Variants in FTO observed in about 807,000 individuals in gnomAD.
The protein encoded by FTO is alpha-ketoglutarate-dependent dioxygenase FTO.
In FTO, 47 loss-of-function variants were observed where a neutral mutation model predicts 63.9. That is an observed-to-expected ratio of 0.74 (90% CI 0.58 to 0.94). The LOEUF (loss-of-function observed/expected upper bound fraction) is 0.94. FTO is among the 40% of genes least tolerant of loss of function. FTO has a pLI of 0.00. For synonymous variants in FTO, 207 were observed against 224.4 expected (o/e 0.92, Z 0.69); for missense variants, 562 against 618.1 (o/e 0.91, Z 0.96).
chr16:53,842,839 C>A (rs12595985), intron 3 of FTO, among the ~76,000 whole-genome samples: 7,559 of 152,040 alleles, frequency 0.05, 591 homozygotes, highest in East Asian at 0.37. Context: ...ATGCCCCACT[C>A]ATTTCTTTTA....
intron 1 of FTO, among the ~76,000 whole-genome samples, chr16:53,796,312 G>A (rs892045228): frequency 2.6e-5 from 4 of 152,124 alleles, no homozygotes; most frequent in Admixed American, 2.6e-4. Context: ...CCAAAGTGCC[G>A]GGACTGTAGG....
At chr16:53,843,445 G>A (rs1177707614) in intron 3 of FTO, among the ~76,000 whole-genome samples, 1 of 152,134 alleles carries the variant, frequency 6.6e-6, no homozygotes, top group African/African-American at 2.4e-5. Context: ...TTTCTTTTAT[G>A]TGAATAAATT....
chr16:54,031,852 AT>A (rs1230554960), intron 8 of FTO, among the ~76,000 whole-genome samples: 4 of 152,130 alleles, frequency 2.6e-5, no homozygotes, highest in African/African-American at 9.7e-5. Context: ...GCTTTTACTA[AT>A]TTTTTTAAGG....
At chr16:53,995,771 T>C (rs1395754843) in intron 8 of FTO, among the ~76,000 whole-genome samples, 1 of 152,142 alleles carries the variant, frequency 6.6e-6, no homozygotes, top group Non-Finnish European at 1.5e-5. Context: ...GGAAGATGGG[T>C]CCCTCTGCCA....
intron 7 of FTO, among the ~76,000 whole-genome samples, chr16:53,894,676 T>G (rs949017143): frequency 6.6e-6 from 1 of 152,036 alleles, no homozygotes; most frequent in Non-Finnish European, 1.5e-5. Context: ...TTCTTTTCAG[T>G]GTTAATGTGC....
In FTO at chr16:54,068,359, G is replaced by A. The variant is rs186261655; in HGVS notation, c.1365-43403G>A. Among the ~76,000 whole-genome samples, 795 of 151,908 alleles carry A rather than the reference G, an allele frequency of 5.2e-3. 6 individuals carry two copies. Among genetic ancestry groups the A allele is most frequent in the Admixed American group, 8.7e-3 (132 of 15,228 alleles). On this transcript the variant is annotated intron_variant, in intron 8 of 8. Transcript: ENST00000471389. ...TTTTTTCCTTGAGAGCCCTGAGCTCGCCCAGCCTCTGTCAACCTGAAAGCC... is the reference window on the plus strand; with the variant it reads ...TTTTTTCCTTGAGAGCCCTGAGCTCACCCAGCCTCTGTCAACCTGAAAGCC...
chr16:53,739,298 T>C (rs906740981), intron 1 of FTO, among the ~76,000 whole-genome samples: 2 of 151,952 alleles, frequency 1.3e-5, no homozygotes, highest in Non-Finnish European at 2.9e-5. Flanking sequence ...CTCTGCCTCC[T>C]GGGTTCACAC....
intron 7 of FTO, among the ~76,000 whole-genome samples, chr16:53,918,769 T>A (rs1344426461): frequency 1.3e-5 from 2 of 152,238 alleles, no homozygotes; most frequent in African/African-American, 4.8e-5. Context: ...GAGACTCAAA[T>A]GTCATTGATT....
chr16:53,844,465 TGCTGATTTTTTGAGATGGA>T (rs2079564387), intron 4 of FTO, among the ~76,000 whole-genome samples, 167 bp downstream of exon 4: 1 of 152,176 alleles, frequency 6.6e-6, no homozygotes, highest in South Asian at 2.1e-4. Flanking sequence ...TTTGAGATAT[TGCTGATTTTTTGAGATGGA>T]GCTTCACTCT....
At chr16:53,766,467 C>T (rs926624662) in intron 1 of FTO, among the ~76,000 whole-genome samples, 1 of 152,134 alleles carries the variant, frequency 6.6e-6, no homozygotes, top group Admixed American at 6.5e-5. Context: ...AAGTGATTTA[C>T]CCATTTCAGT....
chr16:54,035,569 G>A (rs1215271985), intron 8 of FTO, among the ~76,000 whole-genome samples: 3 of 152,114 alleles, frequency 2.0e-5, no homozygotes, highest in Non-Finnish European at 2.9e-5. Context: ...TGACATTGTC[G>A]GTTTTAAGGG....
At chr16:54,012,661 C>T (rs1023735899) in intron 8 of FTO, among the ~76,000 whole-genome samples, 5 of 152,040 alleles carry the variant, frequency 3.3e-5, no homozygotes, top group Admixed American at 2.6e-4. Flanking sequence ...AACTTTAAGT[C>T]GAAGCTATTG....
intron 8 of FTO, among the ~76,000 whole-genome samples, chr16:54,063,000 G>A (rs997633789): frequency 6.6e-6 from 1 of 152,198 alleles, no homozygotes; most frequent in Non-Finnish European, 1.5e-5. Flanking sequence ...AGGGGTGTGC[G>A]GGGAGGTTAA....
intron 8 of FTO, among the ~76,000 whole-genome samples, chr16:53,959,861 G>C (rs1037500263): frequency 1.3e-5 from 2 of 152,078 alleles, no homozygotes; most frequent in Non-Finnish European, 2.9e-5. Flanking sequence ...CCCAAAAAAG[G>C]CTTCCCAAAT....
intron 7 of FTO, among the ~76,000 whole-genome samples, chr16:53,930,686 A>T (rs1567447973): frequency 6.6e-6 from 1 of 152,230 alleles, no homozygotes; most frequent in East Asian, 1.9e-4. Flanking sequence ...ACTGTATTAC[A>T]TAGTTCATAT....
intron 8 of FTO, chr16:54,052,799 A>G (rs2085343075): frequency 6.6e-6 from 1 of 152,164 alleles, no homozygotes; most frequent in Admixed American, 6.6e-5. Context: ...TCCTGGGTTC[A>G]AGAGATTCTC....
chr16:54,059,125 A>G (rs781720817), intron 8 of FTO, among the ~76,000 whole-genome samples: 1 of 152,232 alleles, frequency 6.6e-6, no homozygotes, highest in Non-Finnish European at 1.5e-5. Context: ...GCTCAATTCA[A>G]GTGTAAAATT....
intron 8 of FTO, among the ~76,000 whole-genome samples, chr16:54,108,671 G>C (rs547444790): frequency 6.6e-6 from 1 of 152,292 alleles, no homozygotes; most frequent in East Asian, 1.9e-4. Context: ...GGTATTGGGC[G>C]CTTGCTATGT....
At chr16:53,890,798 T>A (rs1177308219) in intron 7 of FTO, among the ~76,000 whole-genome samples, 1 of 152,184 alleles carries the variant, frequency 6.6e-6, no homozygotes, top group East Asian at 1.9e-4. Flanking sequence ...GGGCTGCTTA[T>A]ATAAAGGCAG....
Sources: allele counts gnomAD v4.1 joint callset (sites outside exome capture counted in the v4.1 genomes callset), GRCh38; gene constraint gnomAD v4.1.1; transcripts MANE v1.5; gene names NCBI Gene and HGNC (gene_info 2026-07-23, HGNC 2026-07-21).